Variants in PIAS1 observed in about 807,000 individuals in gnomAD.
The protein encoded by PIAS1 is protein inhibitor of activated STAT 1, also known as E3 SUMO-protein ligase PIAS1.
PIAS1 carries 6 observed loss-of-function variants against 71.3 expected under a neutral mutation model. The observed-to-expected ratio is 0.08, with a 90% CI of 0.05 to 0.17. The LOEUF (loss-of-function observed/expected upper bound fraction) is 0.17, where lower values mean the gene tolerates loss of function less well. PIAS1 is among the 10% of genes least tolerant of loss of function. The probability of loss-of-function intolerance (pLI) is 1.00; values close to 1 mark genes in which losing one functional copy is unlikely to be tolerated. For missense variants in PIAS1, 555 were observed against 793.6 expected (o/e 0.70, Z 3.61); for synonymous variants, 303 against 292.9 (o/e 1.03, Z -0.35).
At chr15:68,130,100 C>T (rs2092679741) in intron 2 of PIAS1, among the ~76,000 whole-genome samples, 1 of 151,974 alleles carries the variant, frequency 6.6e-6, no homozygotes, top group East Asian at 1.9e-4. Context: ...GTTTATTACG[C>T]ATTGCATGCC....
At chr15:68,064,923 G>C (rs762451024) in intron 1 of PIAS1, among the ~76,000 whole-genome samples, 3 of 152,020 alleles carry the variant, frequency 2.0e-5, no homozygotes, top group African/African-American at 7.2e-5. Flanking sequence ...TAATTAATTT[G>C]TTTTTTGAGA....
intron 1 of PIAS1, among the ~76,000 whole-genome samples, chr15:68,075,070 CTTTCTTTCT>C (rs2092143692): frequency 8.5e-5 from 8 of 93,784 alleles, no homozygotes; most frequent in Non-Finnish European, 1.2e-4. Flanking sequence ...CATTTTCTTT[CTTTCTTTCT>C]TTTTTTTTTT....
intron 1 of PIAS1, among the ~76,000 whole-genome samples, chr15:68,083,616 A>G (rs1470326592): frequency 3.3e-5 from 5 of 152,156 alleles, no homozygotes; most frequent in Admixed American, 3.3e-4. Flanking sequence ...TAATGTCAAC[A>G]TATTATAGCA....
chr15:68,069,556 A>G (rs1378611859), intron 1 of PIAS1, among the ~76,000 whole-genome samples: 3 of 152,178 alleles, frequency 2.0e-5, no homozygotes, highest in Non-Finnish European at 4.4e-5. Context: ...TAATCCCAGC[A>G]CTTTGGGAGG....
rs545934713 is a variant in PIAS1 at position 68,191,064 on chromosome 15, G to T, written c.*3229G>T. ...TTAAAGCACATTTGAAATTATTTTA[G>T]TAAGAATTTTGTTTTATCAATAGAT... On this transcript the variant is annotated 3_prime_UTR_variant, in exon 14 of 14. Transcript: ENST00000249636. The T allele has an allele frequency of 2.0e-4, 30 of 152,656 alleles. No homozygotes were observed. Among genetic ancestry groups the T allele is most frequent in the African/African-American group, 6.5e-4 (27 of 41,544 alleles). 9.5% of individuals were successfully genotyped at this position (152,656 alleles called of 1,614,324 possible).
chr15:68,138,695 G>A (rs1420829690), intron 2 of PIAS1, among the ~76,000 whole-genome samples: 1 of 152,110 alleles, frequency 6.6e-6, no homozygotes, highest in Non-Finnish European at 1.5e-5. Context: ...GGCTGGTCTT[G>A]AACTCCTGAC....
At position 68,182,425 on chromosome 15, in the gene PIAS1, AGTGTGTGTGTGTGTGT is replaced by A. The variant is rs10532167; in HGVS notation, c.1624+1092_1624+1107del. On this transcript the variant is annotated intron_variant, in intron 12 of 13. Coordinates refer to ENST00000249636, the MANE Select transcript of PIAS1 (RefSeq NM_016166.3). The stretch of plus-strand genomic sequence containing the variant: ...ACCCCATTCCCGGGAAGTTACAGCT[AGTGTGTGTGTGTGTGT>A]GTGTGTGTGTGTGTGTGTGTCGGAG... Among the ~76,000 whole-genome samples, 70 of 123,336 alleles carry A rather than the reference AGTGTGTGTGTGTGTGT, an allele frequency of 5.7e-4. 1 individual carries two copies. The highest frequency in any genetic ancestry group is 9.0e-4 in the Non-Finnish European group (53 of 58,894). 80.9% of individuals were successfully genotyped at this position (123,336 alleles called of 152,430 possible).
chr15:68,091,756 T>C (rs902680384), intron 2 of PIAS1, among the ~76,000 whole-genome samples: 7 of 152,194 alleles, frequency 4.6e-5, no homozygotes, highest in Admixed American at 4.6e-4. Flanking sequence ...TCTAAAACAC[T>C]TACATTAGCT....
At chr15:68,164,668 T>C (rs975174444) in intron 7 of PIAS1, 63 bp from the exon 8 acceptor site, 4 of 836,314 alleles carry the variant, frequency 4.8e-6, no homozygotes, top group Non-Finnish European at 7.9e-6. Flanking sequence ...ATAGTAATGC[T>C]CCAGTAATGT....
intron 2 of PIAS1, among the ~76,000 whole-genome samples, chr15:68,114,339 T>C (rs570908290): frequency 6.6e-6 from 1 of 152,208 alleles, no homozygotes; most frequent in South Asian, 2.1e-4. Flanking sequence ...TTAAAGATAG[T>C]CAAAGCAATA....
At chr15:68,087,963 A>G (rs888895246) in intron 2 of PIAS1, 4 of 284,476 alleles carry the variant, frequency 1.4e-5, no homozygotes, top group Non-Finnish European at 2.9e-5. Context: ...AATCTACTGT[A>G]TGCTTATAAA....
At chr15:68,063,365 A>G (rs1476288497) in intron 1 of PIAS1, among the ~76,000 whole-genome samples, 1 of 152,168 alleles carries the variant, frequency 6.6e-6, no homozygotes, top group Non-Finnish European at 1.5e-5. Flanking sequence ...TTCAGAGTAA[A>G]TATTTTTTCT....
chr15:68,140,061 T>G (rs1363636151), intron 2 of PIAS1, among the ~76,000 whole-genome samples: 1 of 152,206 alleles, frequency 6.6e-6, no homozygotes, highest in African/African-American at 2.4e-5. Flanking sequence ...CTATTCTAGA[T>G]AAACAGTAGC....
intron 7 of PIAS1, among the ~76,000 whole-genome samples, chr15:68,161,929 A>G (rs1295030944): frequency 6.6e-6 from 1 of 151,352 alleles, no homozygotes; most frequent in African/African-American, 2.4e-5. Context: ...ACTCTGTCTC[A>G]AAAAAAATTT....
intron 6 of PIAS1, among the ~76,000 whole-genome samples, chr15:68,152,016 C>T (rs1345154644): frequency 8.2e-6 from 1 of 121,616 alleles, no homozygotes; most frequent in Non-Finnish European, 1.6e-5. Flanking sequence ...GTGGCGCCAT[C>T]TTGGCTCACT....
At chr15:68,128,789 A>G (rs1352168368) in intron 2 of PIAS1, among the ~76,000 whole-genome samples, 2 of 152,206 alleles carry the variant, frequency 1.3e-5, no homozygotes, top group Non-Finnish European at 2.9e-5. Flanking sequence ...TTAAGTCTTC[A>G]TTGGAAGTGA....
At chr15:68,084,884 G>A (rs922216541) in intron 1 of PIAS1, among the ~76,000 whole-genome samples, 8 of 152,148 alleles carry the variant, frequency 5.3e-5, no homozygotes, top group African/African-American at 1.9e-4. Flanking sequence ...TGAGAGTAAA[G>A]ATCATCCTAC....
In PIAS1 at chr15:68,189,183, T is replaced by C. The variant is rs1311307425; in HGVS notation, c.*1348T>C. The C allele has an allele frequency of 6.6e-6, 1 of 152,228 alleles. No homozygotes were observed. The highest frequency in any genetic ancestry group is 1.5e-5 in the Non-Finnish European group (1 of 68,038). 9.4% of individuals were successfully genotyped at this position (152,228 alleles called of 1,614,324 possible). A position where few individuals can be genotyped will look rare whatever the true frequency, so the allele number is the denominator to read the frequency against. On this transcript the variant is annotated 3_prime_UTR_variant, in exon 14 of 14. Transcript: ENST00000249636. ...TTATTCATAATGGAACATGTAAATA[T>C]ACTGAAAACTGTTTTTCAGGAGAGA...
At chr15:68,071,194 C>A in intron 1 of PIAS1, among the ~76,000 whole-genome samples, 1 of 147,666 alleles carries the variant, frequency 6.8e-6, no homozygotes, top group Non-Finnish European at 1.5e-5. Context: ...TAATGACCTT[C>A]TTTTCACCCC....
Sources: gnomAD v4.1 joint callset for allele counts (sites outside exome capture counted in the v4.1 genomes callset) on GRCh38, gnomAD v4.1.1 for gene constraint, MANE v1.5 for transcripts, NCBI Gene and HGNC (gene_info 2026-07-23, HGNC 2026-07-21) for gene names.